CTNNA2: variants seen among roughly 807,000 people sequenced by gnomAD.
CTNNA2 encodes the protein catenin alpha 2.
CTNNA2 carries 42 observed loss-of-function variants against 101.0 expected under a neutral mutation model. The ratio of observed to expected loss-of-function variants is 0.42; its 90% CI spans 0.32 to 0.54. The LOEUF is 0.54. Ranked by LOEUF, CTNNA2 falls within the 20% of genes least tolerant of loss-of-function variation. The pLI is 0.14. For missense variants in CTNNA2, 871 were observed against 1,223.1 expected, an observed-to-expected ratio of 0.71 and a Z score of 4.29; for synonymous variants, 450 against 456.4, an observed-to-expected ratio of 0.99 and a Z score of 0.18.
At chr2:79,487,679 G>C (rs1335792901) in intron 4 of CTNNA2, among the ~76,000 whole-genome samples, 1 of 152,160 alleles carries the variant, frequency 6.6e-6, no homozygotes, top group Non-Finnish European at 1.5e-5. Context: ...AACACGATCA[G>C]CTCATTTGGG....
Position 79,292,169 on chromosome 2 carries a change from C to T in CTNNA2, c.-405-20540C>T, listed in dbSNP as rs929002160. On this transcript the variant is annotated intron_variant, in intron 2 of 21. Transcript: ENST00000466387. ...CCTTTAAAAAATTGATGGTTCTTTACGTGCTTAATTAAAGTTTGGAATGGC... is the reference window on the plus strand; with the variant it reads ...CCTTTAAAAAATTGATGGTTCTTTATGTGCTTAATTAAAGTTTGGAATGGC... 3.3e-5 allele frequency among the ~76,000 whole-genome samples: 5 copies of T among 152,264 alleles called. No individual in the cohort carries two copies. In the East Asian group the frequency reaches 5.8e-4, roughly 18 times the overall value.
At chr2:79,250,261 T>TAAG (rs3038839) in intron 2 of CTNNA2, among the ~76,000 whole-genome samples, 143,351 of 152,062 alleles carry the variant, frequency 0.94, 67,676 homozygotes, top group East Asian at 1. Flanking sequence ...CAACAAGACT[T>TAAG]AGGTCTACAG....
intron 7 of CTNNA2, among the ~76,000 whole-genome samples, chr2:80,270,021 AC>A (rs1339199923): frequency 2.6e-5 from 4 of 152,206 alleles, no homozygotes; most frequent in Non-Finnish European, 1.5e-5. Flanking sequence ...AGCGCCATAA[AC>A]CAGGAGTTGT....
intron 2 of CTNNA2, among the ~76,000 whole-genome samples, chr2:79,269,380 G>A (rs1675031965): frequency 6.6e-6 from 1 of 152,110 alleles, no homozygotes; most frequent in Non-Finnish European, 1.5e-5. Flanking sequence ...GCAGCACCAA[G>A]TTCACTTTTC....
At chr2:79,296,726 T>C (rs1220808798) in intron 2 of CTNNA2, among the ~76,000 whole-genome samples, 1 of 152,136 alleles carries the variant, frequency 6.6e-6, no homozygotes, top group African/African-American at 2.4e-5. Context: ...CAAAAAGTAA[T>C]GCCCTTTTTG....
intron 8 of CTNNA2, among the ~76,000 whole-genome samples, chr2:80,395,162 T>C (rs1677893879): frequency 6.6e-6 from 1 of 152,182 alleles, no homozygotes; most frequent in African/African-American, 2.4e-5. Flanking sequence ...AAAATTATGG[T>C]GGAATTTTAA....
chr2:80,569,651 T>TTG (rs1558598266), intron 12 of CTNNA2, among the ~76,000 whole-genome samples: 1,755 of 111,888 alleles, frequency 0.016, 171 homozygotes, highest in African/African-American at 0.049. Context: ...TTTTTTTTTT[T>TTG]TTTTTTTTTG....
At chr2:79,263,858 C>A (rs1437411541) in intron 2 of CTNNA2, among the ~76,000 whole-genome samples, 9 of 152,146 alleles carry the variant, frequency 5.9e-5, no homozygotes, top group Non-Finnish European at 7.4e-5. Flanking sequence ...AAATACATTT[C>A]TATTGGTTAT....
At position 80,501,834 on chromosome 2, in the gene CTNNA2, A is replaced by G. The variant is rs532824497; in HGVS notation, c.1291-43148A>G. Among the ~76,000 whole-genome samples, 10 of 152,308 alleles carry G rather than the reference A, an allele frequency of 6.6e-5. No individual in the cohort carries two copies. The South Asian group carries it at 1.9e-3, about 28-fold the overall frequency. ...CCTTAAAGGGGTGCAGGTACTAAGT[A>G]TATGGAAGGTGGGTGATGAACACAC... On this transcript the variant is annotated intron_variant, in intron 9 of 18. Coordinates refer to ENST00000402739, the MANE Select transcript of CTNNA2 (RefSeq NM_001282597.3).
intron 2 of CTNNA2, among the ~76,000 whole-genome samples, chr2:79,221,680 T>C (rs1674347174): frequency 1.3e-5 from 2 of 152,102 alleles, no homozygotes; most frequent in East Asian, 3.9e-4. Context: ...AAACAATAAG[T>C]CTAAGAATAA....
At chr2:80,391,203 A>G (rs1677481975) in intron 7 of CTNNA2, among the ~76,000 whole-genome samples, 1 of 151,150 alleles carries the variant, frequency 6.6e-6, no homozygotes, top group South Asian at 2.1e-4. Context: ...CCTTGGTGCC[A>G]CCTTAAATTT....
intron 7 of CTNNA2, among the ~76,000 whole-genome samples, chr2:80,199,996 C>T (rs1707101325): frequency 6.6e-6 from 1 of 152,120 alleles, no homozygotes; most frequent in Admixed American, 6.5e-5. Flanking sequence ...TCTGACTTTC[C>T]TTAGATACAA....
chr2:79,477,284 C>T (rs1387139950), intron 4 of CTNNA2, among the ~76,000 whole-genome samples: 1 of 151,682 alleles, frequency 6.6e-6, no homozygotes, highest in African/African-American at 2.4e-5. Context: ...GATTCTCCTA[C>T]CTCAGCCTCC....
At chr2:79,768,865 T>A (rs138137059) in intron 3 of CTNNA2, among the ~76,000 whole-genome samples, 1 of 152,118 alleles carries the variant, frequency 6.6e-6, no homozygotes, top group African/African-American at 2.4e-5. Flanking sequence ...GTTTTGCTTA[T>A]GTTTTTTGAG....
chr2:80,198,972 A>G (rs1395422937), intron 7 of CTNNA2, among the ~76,000 whole-genome samples: 2 of 151,916 alleles, frequency 1.3e-5, no homozygotes, highest in Non-Finnish European at 2.9e-5. Flanking sequence ...CACGAGGTCA[A>G]GAGTTCAAGA....
At chr2:79,364,407 T>A (rs1378705163) in intron 3 of CTNNA2, among the ~76,000 whole-genome samples, 3 of 152,188 alleles carry the variant, frequency 2.0e-5, no homozygotes, top group Non-Finnish European at 4.4e-5. Context: ...ACTTAGGAGA[T>A]CCACAAATAT....
At chr2:79,470,851 C>T (rs940121590) in intron 4 of CTNNA2, among the ~76,000 whole-genome samples, 7 of 152,154 alleles carry the variant, frequency 4.6e-5, no homozygotes, top group Non-Finnish European at 8.8e-5. Flanking sequence ...TTTGGGGGCT[C>T]TAACGTTCCT....
At chr2:80,546,232 C>T (rs886943581) in intron 11 of CTNNA2, among the ~76,000 whole-genome samples, 169 bp downstream of exon 11, 13 of 152,118 alleles carry the variant, frequency 8.5e-5, no homozygotes, top group African/African-American at 1.7e-4. Context: ...TTAGATGCTT[C>T]GGTGTTTATG....
intron 7 of CTNNA2, among the ~76,000 whole-genome samples, chr2:79,917,105 C>G (rs557892310): frequency 6.6e-6 from 1 of 151,294 alleles, no homozygotes; most frequent in Non-Finnish European, 1.5e-5. Flanking sequence ...CGGAGTCTTG[C>G]TTTGTGGCCA....
Sources: allele counts gnomAD v4.1 joint callset (sites outside exome capture counted in the v4.1 genomes callset), GRCh38; gene constraint gnomAD v4.1.1; transcripts MANE v1.5; gene names NCBI Gene and HGNC (gene_info 2026-07-23, HGNC 2026-07-21).